The following MORC3 variants were observed in gnomAD, a reference collection of about 807,000 sequenced individuals.
MORC3 encodes MORC family CW-type zinc finger protein 3.
Under a neutral mutation model 109.1 loss-of-function variants are expected in MORC3, and 31 were observed. The ratio of observed to expected loss-of-function variants is 0.28; its 90% CI spans 0.21 to 0.38. The LOEUF (loss-of-function observed/expected upper bound fraction) is 0.38, where lower values mean the gene tolerates loss of function less well. Among genes scored for constraint, MORC3 ranks in the 10% least tolerant of loss-of-function variants. The pLI is 1.00. For synonymous variants in MORC3, 395 were observed against 380.7 expected (o/e 1.04, Z -0.44); for missense variants, 867 against 1,135.8 (o/e 0.76, Z 3.40).
At chr21:36,365,070 A>AAAC (rs55889408) in intron 14 of MORC3, among the ~76,000 whole-genome samples, 1 of 151,146 alleles carries the variant, frequency 6.6e-6, no homozygotes, top group Non-Finnish European at 1.5e-5. Flanking sequence ...AAAAAAAAAA[A>AAAC]CATGAAGCAA....
chr21:36,343,452 T>C (rs2085473993), intron 6 of MORC3, among the ~76,000 whole-genome samples: 2 of 41,288 alleles, frequency 4.8e-5, no homozygotes, highest in African/African-American at 1.1e-4. Context: ...TTGCTTTCTT[T>C]TTTTTTTTTT....
At chr21:36,330,443 G>T (rs985059941) in intron 1 of MORC3, among the ~76,000 whole-genome samples, 1 of 152,012 alleles carries the variant, frequency 6.6e-6, no homozygotes, top group African/African-American at 2.4e-5. Flanking sequence ...GGAAGTCCCC[G>T]CTTTGACTTG....
At chr21:36,337,419 G>A (rs769360926) in intron 3 of MORC3, among the ~76,000 whole-genome samples, 38 of 152,134 alleles carry the variant, frequency 2.5e-4, no homozygotes, top group Admixed American at 2.0e-4. Flanking sequence ...GTGTGCCAGC[G>A]ATGAGTTTGC....
intron 2 of MORC3, 77 bp from the exon 3 acceptor site, chr21:36,336,797 T>C: frequency 7.3e-7 from 1 of 1,365,154 alleles, no homozygotes; most frequent in African/African-American, 1.5e-5. Flanking sequence ...CTTCTATTGC[T>C]TCTTACAGGA....
chr21:36,354,323 C>CTTTTTTTTTTTT (rs144208712), intron 9 of MORC3, among the ~76,000 whole-genome samples: 8 of 113,638 alleles, frequency 7.0e-5, no homozygotes, highest in African/African-American at 1.0e-4. Flanking sequence ...TTCTTTCTTT[C>CTTTTTTTTTTTT]TTTTTTTTTT....
chr21:36,360,301 C>G, intron 12 of MORC3, 43 bp downstream of exon 12: 1 of 1,539,578 alleles, frequency 6.5e-7, no homozygotes, highest in Non-Finnish European at 9.0e-7. Context: ...ATGCCCAGAT[C>G]ATGAACAGTG....
intron 2 of MORC3, among the ~76,000 whole-genome samples, chr21:36,334,072 C>T (rs528314616): frequency 6.6e-6 from 1 of 152,188 alleles, no homozygotes; most frequent in African/African-American, 2.4e-5. Context: ...CAGGTGTGAG[C>T]CACCGCACCC....
At chr21:36,371,614 G>A (rs2085868467) in intron 15 of MORC3, among the ~76,000 whole-genome samples, 1 of 152,184 alleles carries the variant, frequency 6.6e-6, no homozygotes, top group Non-Finnish European at 1.5e-5. Flanking sequence ...TCTATAGAAT[G>A]CATATAACTT....
Position 36,369,820 on chromosome 21 carries a change from G to C in MORC3, c.2452G>C (p.Asp818His), listed in dbSNP as rs371024073. 3 of 1,613,974 alleles carry C rather than the reference G, an allele frequency of 1.9e-6. No homozygotes were observed. The African/African-American group carries it at 4.0e-5, about 22-fold the overall frequency. ...EMDEMAVQLD[D>H]VFRQLDKCSI... ...GGATGAGATGGCTGTGCAGCTTGAC[G>C]ATGTGTTTAGACAACTGGACAAATG... The change falls in exon 15 of 17, where the codon GAT becomes CAT. Residue 818 changes from aspartate to histidine, a missense_variant. Around this residue, in one of 7 missense-constraint regions of MORC3, gnomAD observed 486 missense variants for 502.1 expected, o/e 0.97. Coordinates refer to ENST00000400485, the MANE Select transcript of MORC3 (RefSeq NM_015358.3).
chr21:36,371,815 G>GTTTTGT (rs766826668), intron 15 of MORC3, among the ~76,000 whole-genome samples: 37 of 124,304 alleles, frequency 3.0e-4, no homozygotes, highest in Middle Eastern at 3.6e-3. Flanking sequence ...GTTTTGTTTT[G>GTTTTGT]TTTTTTTTTT....
At chr21:36,368,018 T>C (rs1464959215) in intron 14 of MORC3, among the ~76,000 whole-genome samples, 1 of 152,136 alleles carries the variant, frequency 6.6e-6, no homozygotes, top group Non-Finnish European at 1.5e-5. Context: ...TCGCCCAATA[T>C]GAGACAGTCC....
chr21:36,338,953 G>A (rs1448457867), intron 5 of MORC3, 32 bp downstream of exon 5: 3 of 1,607,718 alleles, frequency 1.9e-6, no homozygotes, highest in African/African-American at 2.7e-5. Flanking sequence ...GACCGTTTGG[G>A]AAGTAAAGTG....
At chr21:36,367,663 CT>C (rs1166613629) in intron 14 of MORC3, among the ~76,000 whole-genome samples, 1 of 152,190 alleles carries the variant, frequency 6.6e-6, no homozygotes, top group African/African-American at 2.4e-5. Flanking sequence ...ACCAGAAAAA[CT>C]GCATTTCCAC....
chr21:36,344,851 TAGAA>T, intron 7 of MORC3, 57 bp from the exon 8 acceptor site: 1 of 1,603,616 alleles, frequency 6.2e-7, no homozygotes, highest in South Asian at 1.1e-5. Flanking sequence ...AATAATGAAA[TAGAA>T]AGGATGATTT....
chr21:36,341,703 A>G (rs1470218519), intron 6 of MORC3, among the ~76,000 whole-genome samples, 157 bp downstream of exon 6: 1 of 152,206 alleles, frequency 6.6e-6, no homozygotes, highest in East Asian at 1.9e-4. Flanking sequence ...AGCCTGGGCA[A>G]CAGAGTGAGG....
In MORC3 at chr21:36,369,102, C is replaced by T. The variant is rs781423149; in HGVS notation, c.1734C>T (p.Ile578=). Residue 578 remains isoleucine, a synonymous_variant, in exon 15 of 17, where the codon ATC becomes ATT. Transcript: ENST00000400485. ...YKGDDDDEDV[I]ILEENSTPKP... Reference sequence around the variant, plus strand: ...GTGATGATGATGATGAAGATGTCATCATCTTAGAAGAAAACAGTACCCCCA... The same window carrying T: ...GTGATGATGATGATGAAGATGTCATTATCTTAGAAGAAAACAGTACCCCCA... 6.2e-7 allele frequency: 1 copy of T among 1,613,984 alleles called. No homozygotes were observed. Among genetic ancestry groups the T allele is most frequent in the Non-Finnish European group, 8.5e-7 (1 of 1,179,986 alleles).
intron 6 of MORC3, 36 bp from the exon 7 acceptor site, chr21:36,344,543 C>G: frequency 6.2e-7 from 1 of 1,602,362 alleles, no homozygotes; most frequent in Middle Eastern, 1.7e-4. Context: ...GTGAGCAAAC[C>G]TGTAGATACT....
chr21:36,323,385 C>T (rs1601504281), intron 1 of MORC3, among the ~76,000 whole-genome samples: 1 of 152,066 alleles, frequency 6.6e-6, no homozygotes, highest in Non-Finnish European at 1.5e-5. Context: ...TCTTACACAC[C>T]TCAAAGTGTT....
intron 5 of MORC3, chr21:36,339,501 CAAAAAAAAAAA>C (rs55863855): frequency 2.0e-5 from 2 of 101,486 alleles, no homozygotes; most frequent in East Asian, 6.2e-4. Context: ...CCCGTCTTCT[CAAAAAAAAAAA>C]AAAAAAAAGA....
Sources: allele counts gnomAD v4.1 joint callset (sites outside exome capture counted in the v4.1 genomes callset), GRCh38; gene constraint gnomAD v4.1.1; regional missense constraint gnomAD v4.1.1; transcripts MANE v1.5; gene names NCBI Gene and HGNC (gene_info 2026-07-23, HGNC 2026-07-21).